MYO1D: variants seen among roughly 807,000 people sequenced by gnomAD.
MYO1D encodes the protein unconventional myosin-Id.
A neutral mutation model predicts 122.0 loss-of-function variants in MYO1D; 83 were observed. The ratio of observed to expected loss-of-function variants is 0.68; its 90% CI spans 0.57 to 0.82. MYO1D has a LOEUF of 0.82. Ranked by LOEUF, MYO1D falls within the 40% of genes least tolerant of loss-of-function variation. The pLI is 0.00. For synonymous variants in MYO1D, 464 were observed against 446.9 expected, an observed-to-expected ratio of 1.04 and a Z score of -0.48; for missense variants, 1,157 against 1,269.5, an observed-to-expected ratio of 0.91 and a Z score of 1.35.
intron 21 of MYO1D, among the ~76,000 whole-genome samples, chr17:32,604,613 T>G (rs1341963405): frequency 6.6e-6 from 1 of 152,206 alleles, no homozygotes; most frequent in Non-Finnish European, 1.5e-5. Flanking sequence ...TATGCCATGT[T>G]CCATCATGAC....
intron 20 of MYO1D, among the ~76,000 whole-genome samples, chr17:32,606,495 C>A (rs1003942993): frequency 2.0e-5 from 3 of 152,096 alleles, no homozygotes; most frequent in African/African-American, 7.2e-5. Context: ...AATGATAATA[C>A]AACATGACCA....
Position 32,759,407 on chromosome 17 carries a change from A to G in MYO1D, c.1296+883T>C, listed in dbSNP as rs149019745. ...GAAGGAAGATAAAAGTCATTTAAAT[A>G]TAGTATTTCAAATATTTTTTTGCTG... On this transcript the variant is annotated intron_variant, in intron 10 of 21. Coordinates refer to ENST00000318217, the MANE Select transcript of MYO1D (RefSeq NM_015194.3). 2.3e-3 allele frequency among the ~76,000 whole-genome samples: 343 copies of G among 152,286 alleles called. 1 individual carries two copies. Among genetic ancestry groups the G allele is most frequent in the African/African-American group, 7.4e-3 (307 of 41,592 alleles).
At chr17:32,650,213 G>T (rs966583162) in intron 19 of MYO1D, among the ~76,000 whole-genome samples, 6 of 152,132 alleles carry the variant, frequency 3.9e-5, no homozygotes, top group African/African-American at 1.4e-4. Flanking sequence ...ATTCTAAGTT[G>T]TTGTTGTTTT....
At chr17:32,790,948 C>T (rs57373292) in intron 1 of MYO1D, among the ~76,000 whole-genome samples, 7,430 of 152,264 alleles carry the variant, frequency 0.049, 582 homozygotes, top group African/African-American at 0.17. Context: ...AGGGAAAGTA[C>T]AAAATGAGCT....
chr17:32,842,083 G>A (rs904843856), intron 1 of MYO1D, among the ~76,000 whole-genome samples: 2 of 152,056 alleles, frequency 1.3e-5, no homozygotes, highest in Admixed American at 6.6e-5. Flanking sequence ...AGCAAGTCTC[G>A]GCAGCCCCAA....
chr17:32,640,261 G>A (rs949594109), intron 19 of MYO1D, among the ~76,000 whole-genome samples: 6 of 152,128 alleles, frequency 3.9e-5, no homozygotes, highest in African/African-American at 1.2e-4. Context: ...CAGAGGATTG[G>A]CACTTGTCAG....
chr17:32,648,029 C>G (rs1447358286), intron 19 of MYO1D, among the ~76,000 whole-genome samples: 1 of 152,158 alleles, frequency 6.6e-6, no homozygotes, highest in Non-Finnish European at 1.5e-5. Context: ...GCCTGGCCAA[C>G]ATGGTGAAAC....
intron 21 of MYO1D, among the ~76,000 whole-genome samples, chr17:32,509,550 T>A (rs1408779480): frequency 6.6e-6 from 1 of 152,174 alleles, no homozygotes; most frequent in Admixed American, 6.5e-5. Context: ...GATTTCTCAG[T>A]AATAGCTTCA....
intron 21 of MYO1D, among the ~76,000 whole-genome samples, chr17:32,581,519 TTCTCTCTCTCTTCCTTCCTCTC>T (rs902413310): frequency 7.3e-5 from 11 of 151,640 alleles, no homozygotes; most frequent in African/African-American, 2.7e-4. Flanking sequence ...CCTTTTCCTT[TTCTCTCTCTCTTCCTTCCTCTC>T]TCTCTCTCTC....
In MYO1D at chr17:32,494,752, C is replaced by T. The variant is rs565364125; in HGVS notation, c.*7G>A. On this transcript the variant is annotated 3_prime_UTR_variant, in exon 22 of 22. Transcript: ENST00000318217. ...GGCCGGGCTCCGGGCCAGGCCTCCG[C>T]GGGGCGTCAGTTCCCGGGCACGCTG... 39 of 1,589,966 alleles carry T rather than the reference C, an allele frequency of 2.5e-5. No individual in the cohort carries two copies. Among genetic ancestry groups the T allele is most frequent in the Admixed American group, 1.9e-4 (11 of 56,824 alleles).
chr17:32,748,830 C>T (rs1045398214), intron 12 of MYO1D, 106 bp downstream of exon 12: 2 of 1,053,416 alleles, frequency 1.9e-6, no homozygotes, highest in African/African-American at 1.6e-5. Context: ...TATCAAATGA[C>T]CAAAACATGC....
intron 14 of MYO1D, among the ~76,000 whole-genome samples, 194 bp from the exon 15 acceptor site, chr17:32,721,383 CA>C (rs745926493): frequency 1.2e-3 from 176 of 152,118 alleles, no homozygotes; most frequent in Non-Finnish European, 6.3e-4. Context: ...TGCATTCAGC[CA>C]AATTTTTGTT....
chr17:32,684,644 T>G (rs540997756), intron 16 of MYO1D, among the ~76,000 whole-genome samples: 3 of 152,110 alleles, frequency 2.0e-5, no homozygotes, highest in African/African-American at 7.2e-5. Flanking sequence ...ATTACACAAC[T>G]GTGAGGATGA....
chr17:32,760,315 TG>T lies in MYO1D; in HGVS notation c.1270del (p.Gln424SerfsTer38). Reference sequence around the variant, plus strand: ...ATGTTTCCAGGGGATCCCTTCCCGCTGGTATTCCTCTTGTTCTTGCTTCAGA... The same window carrying T: ...ATGTTTCCAGGGGATCCCTTCCCGCTGTATTCCTCTTGTTCTTGCTTCAGA... Reference protein sequence around the residue: ...LVLKQEQEEYQREGIPWKHID... With the variant: ...LVLKQEQEEYXREGIPWKHID... On this transcript the variant is annotated frameshift_variant, in exon 10 of 22. Transcript: ENST00000318217. LOFTEE classifies it high-confidence loss of function. The T allele has an allele frequency of 1.2e-6, 2 of 1,611,538 alleles. No individual in the cohort carries two copies. Among genetic ancestry groups the T allele is most frequent in the South Asian group, 2.2e-5 (2 of 90,722 alleles).
At chr17:32,812,743 G>A (rs2090582905) in intron 1 of MYO1D, among the ~76,000 whole-genome samples, 1 of 152,192 alleles carries the variant, frequency 6.6e-6, no homozygotes, top group Non-Finnish European at 1.5e-5. Flanking sequence ...CTGCTGCACA[G>A]TTTTGCTTAG....
In MYO1D at chr17:32,775,977, C is replaced by A; in HGVS notation, c.451G>T (p.Ala151Ser). Residue 151 changes from alanine (A) to serine (S), a missense_variant, in exon 4 of 22, where the codon GCC (alanine) becomes TCC (serine). By Grantham distance (99) the Ala-to-Ser change is moderately conservative. Coordinates refer to ENST00000318217, the MANE Select transcript of MYO1D (RefSeq NM_015194.3). Reference sequence around the variant, plus strand: ...GAGTTGTCATTACGGTTGGTTTTGGCATTTCCAAAAGCTTCCAAAACACAG... The same window carrying A: ...GAGTTGTCATTACGGTTGGTTTTGGAATTTCCAAAAGCTTCCAAAACACAG... Reference protein sequence around the residue: ...SNCVLEAFGNAKTNRNDNSSR... With the variant: ...SNCVLEAFGNSKTNRNDNSSR... 1 of 1,613,860 alleles carries A rather than the reference C, an allele frequency of 6.2e-7. No homozygotes were observed. Among genetic ancestry groups the A allele is most frequent in the Non-Finnish European group, 8.5e-7 (1 of 1,179,872 alleles).
intron 21 of MYO1D, among the ~76,000 whole-genome samples, chr17:32,589,851 T>C (rs115515152): frequency 0.022 from 3,423 of 152,322 alleles, 135 homozygotes; most frequent in African/African-American, 0.078. Context: ...TTTTACTCCA[T>C]GAGGATTTTT....
intron 1 of MYO1D, among the ~76,000 whole-genome samples, chr17:32,833,471 T>C (rs1042638990): frequency 6.6e-6 from 1 of 152,050 alleles, no homozygotes; most frequent in African/African-American, 2.4e-5. Flanking sequence ...AGCCAAATGG[T>C]TCCCCTTCAA....
chr17:32,683,791 G>A (rs1398706640), intron 16 of MYO1D, among the ~76,000 whole-genome samples: 3 of 152,182 alleles, frequency 2.0e-5, no homozygotes, highest in Admixed American at 6.5e-5. Context: ...GGAGCTTCCC[G>A]GCTGCTTTGT....
Sources: gnomAD v4.1 joint callset for allele counts (sites outside exome capture counted in the v4.1 genomes callset) on GRCh38, gnomAD v4.1.1 for gene constraint, MANE v1.5 for transcripts, NCBI Gene and HGNC (gene_info 2026-07-23, HGNC 2026-07-21) for gene names.